Variants in FBXW11 observed in about 807,000 individuals in gnomAD.
The protein encoded by FBXW11 is F-box/WD repeat-containing protein 11.
In FBXW11, 19 loss-of-function variants were observed where a neutral mutation model predicts 77.6. The observed-to-expected ratio is 0.24, with a 90% CI of 0.17 to 0.36. The LOEUF is 0.36. FBXW11 is among the 10% of genes least tolerant of loss of function. The pLI, the probability that FBXW11 is intolerant of heterozygous loss-of-function variation, is 1.00. For missense variants in FBXW11, 334 were observed against 704.2 expected (o/e 0.47, Z 5.95); for synonymous variants, 235 against 249.4 (o/e 0.94, Z 0.54).
At chr5:171,988,231 C>T (rs981426569) in intron 1 of FBXW11, among the ~76,000 whole-genome samples, 3 of 152,140 alleles carry the variant, frequency 2.0e-5, no homozygotes, top group African/African-American at 4.8e-5. Context: ...CCATTCCTTA[C>T]TAAAAAGAAC....
chr5:171,895,599 C>T (rs1167781971), intron 6 of FBXW11, among the ~76,000 whole-genome samples: 2 of 152,298 alleles, frequency 1.3e-5, no homozygotes, highest in South Asian at 2.1e-4. Flanking sequence ...TTTGTCACTA[C>T]TCAAATGGCA....
At chr5:171,981,147 TA>T (rs58104034) in intron 1 of FBXW11, among the ~76,000 whole-genome samples, 126,731 of 149,988 alleles carry the variant, frequency 0.84, 54,629 homozygotes, top group East Asian at 0.98. Flanking sequence ...TGACCTCCAT[TA>T]AAAAAAAAAA....
chr5:172,004,650 T>G (rs1402997476), intron 1 of FBXW11, among the ~76,000 whole-genome samples: 1 of 152,174 alleles, frequency 6.6e-6, no homozygotes, highest in African/African-American at 2.4e-5. Context: ...AGGCACCAAG[T>G]TACAATTTTT....
intron 7 of FBXW11, among the ~76,000 whole-genome samples, chr5:171,888,600 A>G (rs1277201949): frequency 6.6e-6 from 1 of 152,242 alleles, no homozygotes. Flanking sequence ...TGTCCAGAGG[A>G]TTATAACAGG....
intron 2 of FBXW11, among the ~76,000 whole-genome samples, chr5:171,933,026 G>A (rs1762297003): frequency 6.7e-6 from 1 of 148,512 alleles, no homozygotes; most frequent in Non-Finnish European, 1.5e-5. Context: ...AGCTACTTGT[G>A]AGGCTGAGGT....
chr5:171,947,895 C>A (rs1371635850), intron 2 of FBXW11, among the ~76,000 whole-genome samples: 2 of 151,884 alleles, frequency 1.3e-5, no homozygotes, highest in East Asian at 3.9e-4. Flanking sequence ...CTAGCTTGGG[C>A]AACAGAATGA....
chr5:171,990,827 G>C (rs566158643), intron 1 of FBXW11, among the ~76,000 whole-genome samples: 1 of 151,500 alleles, frequency 6.6e-6, no homozygotes, highest in Non-Finnish European at 1.5e-5. Flanking sequence ...TTTTTCGCTG[G>C]TTACTCCCTT....
At chr5:172,000,221 A>C (rs530799011) in intron 1 of FBXW11, among the ~76,000 whole-genome samples, 1 of 152,352 alleles carries the variant, frequency 6.6e-6, no homozygotes, top group East Asian at 1.9e-4. Context: ...TTAAGGTTAA[A>C]ACCATCAGCT....
intron 2 of FBXW11, among the ~76,000 whole-genome samples, chr5:171,956,144 T>C (rs1369451781): frequency 1.3e-5 from 2 of 152,168 alleles, no homozygotes; most frequent in African/African-American, 4.8e-5. Context: ...AACATTCCTT[T>C]TAATCCAGAA....
chr5:171,886,599 AAAAT>A (rs558614464), intron 7 of FBXW11, among the ~76,000 whole-genome samples: 1 of 151,868 alleles, frequency 6.6e-6, no homozygotes, highest in South Asian at 2.1e-4. Context: ...AATAAATAAT[AAAAT>A]AAAACGATAT....
rs530306424 is a variant in FBXW11 at position 171,969,613 on chromosome 5, AAAAAGATGGCT to A, written c.46-11926_46-11916del. Among the ~76,000 whole-genome samples, 11 of 152,364 alleles carry A rather than the reference AAAAAGATGGCT, an allele frequency of 7.2e-5. No individual in the cohort carries two copies. In the South Asian group the frequency reaches 2.3e-3, roughly 32 times the overall value. On this transcript the variant is annotated intron_variant, in intron 1 of 13. Coordinates refer to ENST00000517395, the MANE Select transcript of FBXW11 (RefSeq NM_001378974.1). Reference sequence around the variant, plus strand: ...AATTATTTCCTGGTTTGCTAAACGGAAAAAGATGGCTAAATTCCTAAAGTATGAAACATTTT... The same window carrying A: ...AATTATTTCCTGGTTTGCTAAACGGAAAATTCCTAAAGTATGAAACATTTT...
chr5:171,868,871 G>T, intron 12 of FBXW11, 75 bp from the exon 13 acceptor site: 14 of 1,390,472 alleles, frequency 1.0e-5, no homozygotes, highest in South Asian at 2.8e-5. Context: ...AAACTGGGCA[G>T]AAGATGAAAA....
chr5:171,943,696 G>A (rs549863902), intron 2 of FBXW11, among the ~76,000 whole-genome samples: 7 of 152,284 alleles, frequency 4.6e-5, no homozygotes, highest in South Asian at 4.1e-4. Context: ...TGATCCGCCC[G>A]CCTCGGCCTC....
intron 1 of FBXW11, among the ~76,000 whole-genome samples, chr5:171,978,350 G>A (rs1241476390): frequency 1.3e-5 from 2 of 152,184 alleles, no homozygotes; most frequent in Non-Finnish European, 2.9e-5. Context: ...AACCTGTCCA[G>A]TGGTGCCCTC....
intron 2 of FBXW11, among the ~76,000 whole-genome samples, chr5:171,943,101 A>G (rs1465116595): frequency 1.3e-5 from 2 of 152,198 alleles, no homozygotes; most frequent in Non-Finnish European, 2.9e-5. Flanking sequence ...CCTGTAATGT[A>G]AAGATTTTAC....
chr5:171,909,991 A>C (rs1760778423), intron 4 of FBXW11, among the ~76,000 whole-genome samples: 1 of 152,130 alleles, frequency 6.6e-6, no homozygotes, highest in South Asian at 2.1e-4. Context: ...AAACTACATC[A>C]AAATAAAAAG....
At chr5:171,974,137 A>G (rs1764684184) in intron 1 of FBXW11, among the ~76,000 whole-genome samples, 1 of 152,150 alleles carries the variant, frequency 6.6e-6, no homozygotes, top group Admixed American at 6.6e-5. Flanking sequence ...ATTTAAATAT[A>G]TATTGTAAAA....
At chr5:171,954,247 T>G (rs1383231627) in intron 2 of FBXW11, among the ~76,000 whole-genome samples, 1 of 152,250 alleles carries the variant, frequency 6.6e-6, no homozygotes, top group South Asian at 2.1e-4. Context: ...CACTACAGAC[T>G]GGTGACTAGA....
At chr5:172,005,270 C>G (rs1440306862) in intron 1 of FBXW11, among the ~76,000 whole-genome samples, 1 of 152,178 alleles carries the variant, frequency 6.6e-6, no homozygotes, top group Non-Finnish European at 1.5e-5. Context: ...CCTCTCAACC[C>G]TGGGGAAGAA....
Sources: allele counts gnomAD v4.1 joint callset (sites outside exome capture counted in the v4.1 genomes callset), GRCh38; gene constraint gnomAD v4.1.1; transcripts MANE v1.5; gene names NCBI Gene and HGNC (gene_info 2026-07-23, HGNC 2026-07-21).